CAPZB: variants seen among roughly 807,000 people sequenced by gnomAD.
CAPZB encodes the protein F-actin-capping protein subunit beta.
A neutral mutation model predicts 38.1 loss-of-function variants in CAPZB; 2 were observed. The observed-to-expected ratio is 0.05, with a 90% CI of 0.02 to 0.17. The LOEUF is 0.17. Among genes scored for constraint, CAPZB ranks in the 10% least tolerant of loss-of-function variants. The pLI, the probability that CAPZB is intolerant of heterozygous loss-of-function variation, is 1.00. For synonymous variants in CAPZB, 107 were observed against 127.4 expected, an observed-to-expected ratio of 0.84 and a Z score of 1.08; for missense variants, 161 against 334.2, an observed-to-expected ratio of 0.48 and a Z score of 4.04.
At chr1:19,470,325 C>T (rs185995343) in intron 1 of CAPZB, among the ~76,000 whole-genome samples, 16 of 152,314 alleles carry the variant, frequency 1.1e-4, no homozygotes, top group Admixed American at 1.0e-3. Flanking sequence ...ATTCCTGTCC[C>T]TATGTACCCC....
intron 1 of CAPZB, among the ~76,000 whole-genome samples, chr1:19,456,131 T>C (rs960382623): frequency 5.3e-5 from 8 of 152,138 alleles, no homozygotes; most frequent in African/African-American, 1.9e-4. Context: ...AGGCTGGCCT[T>C]GAACTCCTGG....
At chr1:19,452,678 A>T (rs2094520288) in intron 1 of CAPZB, among the ~76,000 whole-genome samples, 1 of 151,972 alleles carries the variant, frequency 6.6e-6, no homozygotes, top group African/African-American at 2.4e-5. Flanking sequence ...CCTCAACTCC[A>T]GCAGAAACTC....
intron 6 of CAPZB, among the ~76,000 whole-genome samples, chr1:19,347,730 G>A (rs980598771): frequency 5.3e-5 from 8 of 152,174 alleles, no homozygotes; most frequent in African/African-American, 1.9e-4. Flanking sequence ...GGAAACCTGG[G>A]CTAGCTACAG....
intron 2 of CAPZB, among the ~76,000 whole-genome samples, chr1:19,386,204 G>A (rs144006497): frequency 1.3e-5 from 2 of 152,292 alleles, no homozygotes; most frequent in East Asian, 3.9e-4. Flanking sequence ...GCTCACCTCC[G>A]GCTGGCCTGC....
chr1:19,350,475 C>G (rs1012859895), intron 6 of CAPZB, among the ~76,000 whole-genome samples: 1 of 152,254 alleles, frequency 6.6e-6, no homozygotes, highest in African/African-American at 2.4e-5. Flanking sequence ...CAGGACCCGG[C>G]GTGCAGCCAG....
At chr1:19,455,401 G>A (rs1249083035) in intron 1 of CAPZB, among the ~76,000 whole-genome samples, 1 of 152,200 alleles carries the variant, frequency 6.6e-6, no homozygotes, top group Admixed American at 6.5e-5. Flanking sequence ...AGAGGACGAT[G>A]AGAGAAGATC....
chr1:19,359,549 A>C (rs570417157), intron 4 of CAPZB, among the ~76,000 whole-genome samples: 1 of 152,312 alleles, frequency 6.6e-6, no homozygotes, highest in East Asian at 1.9e-4. Flanking sequence ...ACTATGATTA[A>C]GCTCTCAAAC....
At chr1:19,353,461 C>T (rs1429785689) in intron 6 of CAPZB, among the ~76,000 whole-genome samples, 1 of 152,028 alleles carries the variant, frequency 6.6e-6, no homozygotes, top group Non-Finnish European at 1.5e-5. Flanking sequence ...CCCCAGCCTG[C>T]CCCTCTTCCC....
chr1:19,466,725 T>C (rs1395985826), intron 1 of CAPZB, among the ~76,000 whole-genome samples: 2 of 152,228 alleles, frequency 1.3e-5, no homozygotes, highest in Non-Finnish European at 2.9e-5. Context: ...TCCCATGGCA[T>C]GCTGTGCAGG....
chr1:19,428,051 ATGGGTGACCTGTT>A (rs1266177226), intron 1 of CAPZB, among the ~76,000 whole-genome samples: 1 of 152,236 alleles, frequency 6.6e-6, no homozygotes, highest in Non-Finnish European at 1.5e-5. Flanking sequence ...ACCAGCCAGA[ATGGGTGACCTGTT>A]GTTATATGAG....
intron 6 of CAPZB, among the ~76,000 whole-genome samples, chr1:19,355,054 GC>G (rs1452274816): frequency 4.6e-5 from 7 of 152,204 alleles, no homozygotes; most frequent in Non-Finnish European, 1.0e-4. Context: ...CTGGCCTCCA[GC>G]CCCTCTGACA....
At chr1:19,441,526 T>C (rs1388619217) in intron 1 of CAPZB, among the ~76,000 whole-genome samples, 1 of 152,106 alleles carries the variant, frequency 6.6e-6, no homozygotes, top group Non-Finnish European at 1.5e-5. Flanking sequence ...CTACCTAGTA[T>C]ACACAGCAGG....
intron 4 of CAPZB, among the ~76,000 whole-genome samples, chr1:19,368,125 G>T (rs1232312952): frequency 6.6e-6 from 1 of 152,158 alleles, no homozygotes; most frequent in Non-Finnish European, 1.5e-5. Context: ...GTAACCCAGA[G>T]AGATAAGGAA....
chr1:19,482,484 GCC>G (rs1333320361), intron 1 of CAPZB, among the ~76,000 whole-genome samples: 7 of 152,350 alleles, frequency 4.6e-5, no homozygotes, highest in African/African-American at 1.4e-4. Flanking sequence ...TCCTGCTAAA[GCC>G]TCACCATCAT....
chr1:19,463,954 CA>C (rs1365560264), intron 1 of CAPZB, among the ~76,000 whole-genome samples: 1 of 149,324 alleles, frequency 6.7e-6, no homozygotes, highest in East Asian at 2.0e-4. Context: ...TCAAGGTGGG[CA>C]GATCACTTGA....
At chr1:19,439,397 T>C (rs2094468479) in intron 1 of CAPZB, among the ~76,000 whole-genome samples, 2 of 152,376 alleles carry the variant, frequency 1.3e-5, no homozygotes, top group South Asian at 4.1e-4. Flanking sequence ...TAAAGGTCTT[T>C]TGTTCTTGAA....
chr1:19,413,478 C>G (rs942502015), intron 2 of CAPZB, among the ~76,000 whole-genome samples: 1 of 152,164 alleles, frequency 6.6e-6, no homozygotes, highest in Non-Finnish European at 1.5e-5. Flanking sequence ...GGACCACAGG[C>G]GCATGCCACC....
At chr1:19,348,124 G>A (rs750812553) in intron 6 of CAPZB, among the ~76,000 whole-genome samples, 4 of 152,192 alleles carry the variant, frequency 2.6e-5, no homozygotes, top group Non-Finnish European at 5.9e-5. Flanking sequence ...GCCCAGATAA[G>A]GGGCAGCATT....
chr1:19,456,717 T>C (rs1392285152), intron 1 of CAPZB, among the ~76,000 whole-genome samples: 4 of 152,184 alleles, frequency 2.6e-5, no homozygotes, highest in African/African-American at 9.7e-5. Flanking sequence ...ATGGAGTCTA[T>C]TTGGGAAAGG....
Sources: allele counts gnomAD v4.1 joint callset (sites outside exome capture counted in the v4.1 genomes callset), GRCh38; gene constraint gnomAD v4.1.1; transcripts MANE v1.5; gene names NCBI Gene and HGNC (gene_info 2026-07-23, HGNC 2026-07-21).